The following CNTN5 variants were observed in gnomAD, a reference collection of about 807,000 sequenced individuals.
CNTN5 encodes contactin 5.
A neutral mutation model predicts 129.1 loss-of-function variants in CNTN5; 77 were observed. That is an observed-to-expected ratio of 0.60 (90% confidence interval 0.50 to 0.72). The LOEUF (loss-of-function observed/expected upper bound fraction) is 0.72. Ranked by LOEUF, CNTN5 falls within the 30% of genes least tolerant of loss-of-function variation. The pLI is 0.00. For synonymous variants in CNTN5, 509 were observed against 465.6 expected, an observed-to-expected ratio of 1.09 and a Z score of -1.20; for missense variants, 1,478 against 1,328.8, an observed-to-expected ratio of 1.11 and a Z score of -1.75.
intron 2 of CNTN5, among the ~76,000 whole-genome samples, chr11:99,499,302 A>G (rs79323292): frequency 0.025 from 3,797 of 152,232 alleles, 172 homozygotes; most frequent in African/African-American, 0.087. Context: ...TCCCAGTGTG[A>G]TAGTATGTAG....
Position 100,042,676 on chromosome 11 carries a change from A to G in CNTN5, c.981-18536A>G, listed in dbSNP as rs377004970. Among the ~76,000 whole-genome samples the G allele has an allele frequency of 3.3e-4, 51 of 152,370 alleles. 1 individual carries two copies. In the South Asian group the frequency reaches 8.3e-3, roughly 25 times the overall value. ...CAACAATGGCCAAAGTTCATCCAAC[A>G]CTTTCCATACTTTCAAGAACTACAT... is the stretch of plus-strand genomic sequence containing the variant. On this transcript the variant is annotated intron_variant, in intron 9 of 24. Transcript: ENST00000524871.
At chr11:100,230,018 A>T (rs1949456902) in intron 16 of CNTN5, among the ~76,000 whole-genome samples, 1 of 152,228 alleles carries the variant, frequency 6.6e-6, no homozygotes, top group Non-Finnish European at 1.5e-5. Context: ...TTTTGCTAAT[A>T]TGCTGGTATT....
chr11:99,513,870 G>A (rs527704996), intron 2 of CNTN5, among the ~76,000 whole-genome samples: 4 of 152,178 alleles, frequency 2.6e-5, no homozygotes, highest in Admixed American at 1.3e-4. Flanking sequence ...TGTAGCCCAT[G>A]GATCAAGGAG....
At chr11:99,571,262 A>G (rs1187377176) in intron 3 of CNTN5, among the ~76,000 whole-genome samples, 1 of 152,212 alleles carries the variant, frequency 6.6e-6, no homozygotes, top group Non-Finnish European at 1.5e-5. Flanking sequence ...GCTATTTGTT[A>G]GCTTCATTAT....
At position 99,518,195 on chromosome 11, in the gene CNTN5, G is replaced by A. The variant is rs140136525; in HGVS notation, c.-70-37950G>A. 9.6e-3 allele frequency among the ~76,000 whole-genome samples: 1,462 copies of A among 152,020 alleles called. 15 individuals carry two copies. Among genetic ancestry groups the A allele is most frequent in the African/African-American group, 0.031 (1,287 of 41,456 alleles). On this transcript the variant is annotated intron_variant, in intron 2 of 24. Coordinates refer to ENST00000524871, the MANE Select transcript of CNTN5 (RefSeq NM_014361.4). ...GATTTGCTCAAGTTCAGTCGGATGCGTACAACTGAATTAGAAAAATAACTT... is the reference window on the plus strand; with the variant it reads ...GATTTGCTCAAGTTCAGTCGGATGCATACAACTGAATTAGAAAAATAACTT...
intron 3 of CNTN5, among the ~76,000 whole-genome samples, chr11:99,805,363 G>T (rs1206834940): frequency 6.6e-6 from 1 of 152,120 alleles, no homozygotes; most frequent in Non-Finnish European, 1.5e-5. Context: ...AAGCCCGAAG[G>T]TCAGAGGAGA....
rs376980618 is a variant in CNTN5, at chr11:99,061,886, G to T, written c.-210+40616G>T. Among the ~76,000 whole-genome samples, 49 of 152,118 alleles carry T rather than the reference G, an allele frequency of 3.2e-4. No homozygotes were observed. The South Asian group carries it at 9.2e-3, about 28-fold the overall frequency. ...ACACATCTGTAGTCCTAGATACCTG[G>T]GAGGTGGAGGTGGGAGGATCACTTG... On this transcript the variant is annotated intron_variant, in intron 1 of 24. Coordinates refer to ENST00000524871, the MANE Select transcript of CNTN5 (RefSeq NM_014361.4).
chr11:100,193,740 T>A, intron 15 of CNTN5, 77 bp downstream of exon 15: 2 of 1,242,780 alleles, frequency 1.6e-6, no homozygotes, highest in Non-Finnish European at 1.1e-6. Context: ...CTTGCTTAGC[T>A]ATGAAGTGCT....
chr11:99,494,836 G>A (rs941697301), intron 2 of CNTN5, among the ~76,000 whole-genome samples: 2 of 152,052 alleles, frequency 1.3e-5, no homozygotes, highest in South Asian at 2.1e-4. Context: ...TTAGGGAACT[G>A]GAGTTTTAAA....
intron 1 of CNTN5, among the ~76,000 whole-genome samples, chr11:99,165,896 C>A (rs71474511): frequency 6.6e-6 from 1 of 152,108 alleles, no homozygotes; most frequent in African/African-American, 2.4e-5. Context: ...GACTTAGACC[C>A]GTCATCTGAG....
At chr11:100,035,764 G>A (rs2137641443) in intron 9 of CNTN5, among the ~76,000 whole-genome samples, 1 of 151,534 alleles carries the variant, frequency 6.6e-6, no homozygotes, top group East Asian at 1.9e-4. Context: ...CTGCATAAAT[G>A]TCTTCTTTTG....
intron 1 of CNTN5, among the ~76,000 whole-genome samples, chr11:99,270,664 G>A (rs1863129625): frequency 6.6e-6 from 1 of 151,924 alleles, no homozygotes; most frequent in African/African-American, 2.4e-5. Flanking sequence ...GTGAGTTAAA[G>A]TGAAATTAAT....
At chr11:99,869,124 A>G (rs1284251897) in intron 6 of CNTN5, among the ~76,000 whole-genome samples, 1 of 152,162 alleles carries the variant, frequency 6.6e-6, no homozygotes, top group African/African-American at 2.4e-5. Flanking sequence ...ATAAAACATT[A>G]TGTTTCAGAT....
chr11:99,056,676 G>T (rs2135194280), intron 1 of CNTN5, among the ~76,000 whole-genome samples: 1 of 152,060 alleles, frequency 6.6e-6, no homozygotes, highest in East Asian at 1.9e-4. Context: ...TCTAGGTCTG[G>T]GTGCCAGACT....
chr11:99,583,988 TG>T (rs1375139688), intron 3 of CNTN5, among the ~76,000 whole-genome samples: 2 of 152,124 alleles, frequency 1.3e-5, no homozygotes, highest in Non-Finnish European at 2.9e-5. Flanking sequence ...AGATTTTCAT[TG>T]TGTTTATTTA....
chr11:100,225,460 T>A (rs968770326), intron 16 of CNTN5: 1 of 151,978 alleles, frequency 6.6e-6, no homozygotes, highest in African/African-American at 2.4e-5. Flanking sequence ...ATAGAGATCA[T>A]AGCATGCATT....
chr11:99,792,773 G>A (rs80344188), intron 3 of CNTN5, among the ~76,000 whole-genome samples: 2 of 152,026 alleles, frequency 1.3e-5, no homozygotes, highest in Non-Finnish European at 1.5e-5. Flanking sequence ...TCTCTGGTTG[G>A]TAGGCTTTTC....
At chr11:100,328,071 C>T (rs1196043477) in intron 21 of CNTN5, among the ~76,000 whole-genome samples, 1 of 151,984 alleles carries the variant, frequency 6.6e-6, no homozygotes. Flanking sequence ...AACAAGCAGG[C>T]CAGGCATGAT....
chr11:100,059,965 T>A (rs1416169000), intron 9 of CNTN5, among the ~76,000 whole-genome samples: 1 of 151,940 alleles, frequency 6.6e-6, no homozygotes, highest in East Asian at 1.9e-4. Flanking sequence ...TCCCAGCACT[T>A]TGGGAGGCCT....
Sources: allele counts gnomAD v4.1 joint callset (sites outside exome capture counted in the v4.1 genomes callset), GRCh38; gene constraint gnomAD v4.1.1; transcripts MANE v1.5; gene names NCBI Gene and HGNC (gene_info 2026-07-23, HGNC 2026-07-21).